Variants in SP110 observed in about 807,000 individuals in gnomAD.
SP110 encodes SP110 nuclear body protein.
Under a neutral mutation model 92.7 loss-of-function variants are expected in SP110, and 62 were observed. That is an observed-to-expected ratio of 0.67 (90% confidence interval 0.55 to 0.83). The LOEUF (loss-of-function observed/expected upper bound fraction) is 0.83, where lower values mean the gene tolerates loss of function less well. Among genes scored for constraint, SP110 ranks in the 40% least tolerant of loss-of-function variants. The probability of loss-of-function intolerance (pLI) is 0.00; values close to 1 mark genes in which losing one functional copy is unlikely to be tolerated. For synonymous variants in SP110, 273 were observed against 305.3 expected (o/e 0.89, Z 1.10); for missense variants, 793 against 863.9 (o/e 0.92, Z 1.03).
At chr2:230,183,489 G>C (rs1336159386) in intron 12 of SP110, 83 bp downstream of exon 12, 1 of 889,338 alleles carries the variant, frequency 1.1e-6, no homozygotes, top group African/African-American at 1.6e-5. Context: ...GGAGAGAGAA[G>C]AAGGAGAGGG....
chr2:230,185,271 C>T (rs2042305281), intron 11 of SP110, among the ~76,000 whole-genome samples: 1 of 152,166 alleles, frequency 6.6e-6, no homozygotes, highest in Non-Finnish European at 1.5e-5. Flanking sequence ...ATTTCTTTCG[C>T]TAAGTTATCA....
At chr2:230,212,654 A>G in intron 4 of SP110, 107 bp downstream of exon 4, 1 of 1,445,468 alleles carries the variant, frequency 6.9e-7, no homozygotes, top group Non-Finnish European at 9.7e-7. Flanking sequence ...GATGGGTGCA[A>G]GAGAAGAACT....
Position 230,177,485 on chromosome 2 carries a change from C to T in SP110, c.1590+53G>A, listed in dbSNP as rs545584080. The T allele has an allele frequency of 7.6e-6, 12 of 1,582,898 alleles. No homozygotes were observed. In the African/African-American group the frequency reaches 1.5e-4, roughly 19 times the overall value. On this transcript the variant is annotated intron_variant, in intron 14 of 18. Coordinates refer to ENST00000258381, the MANE Select transcript of SP110 (RefSeq NM_080424.4). ...TCACATTTCTGCTCTTAAAGCTCCA[C>T]TTCTCCTTCAAGGATTTAAACCTGT...
rs1409769721 is a variant in SP110 at position 230,172,862 on chromosome 2, G to A, written c.1688C>T (p.Pro563Leu). 1.2e-6 allele frequency: 2 copies of A among 1,613,286 alleles called. No homozygotes were observed. Among genetic ancestry groups the A allele is most frequent in the Non-Finnish European group, 1.7e-6 (2 of 1,179,318 alleles). Residue 563 changes from proline (P) to leucine (L), a missense_variant, in exon 15 of 19, where the codon CCC becomes CTC. Transcript: ENST00000258381. The stretch of plus-strand genomic sequence containing the variant: ...CACTCACCTCTTGGCTTCCACAGGG[G>A]GGATGTGACAGTCCTCATGGAAGAC... ...PRVFHEDCHI[P>L]PVEAKRMLWS... is the part of the protein sequence containing the mutation.
chr2:230,177,327 T>A (rs1035373732), intron 14 of SP110: 1 of 624,930 alleles, frequency 1.6e-6, no homozygotes, highest in Admixed American at 2.7e-5. Context: ...AAAGTTCCTG[T>A]ACTCCTTTAC....
At position 230,216,817 on chromosome 2, in the gene SP110, G is replaced by C; in HGVS notation, c.111C>G (p.Leu37=). 6.2e-7 allele frequency: 1 copy of C among 1,614,094 alleles called. No individual in the cohort carries two copies. The highest frequency in any genetic ancestry group is 8.5e-7 in the Non-Finnish European group (1 of 1,179,998). The change falls in exon 2 of 19, where the codon CTC becomes CTG. Residue 37 remains leucine, a synonymous_variant. Coordinates refer to ENST00000258381, the MANE Select transcript of SP110 (RefSeq NM_080424.4). ...IHKPFPFFEG[L]LDNSIITKRM... is the part of the protein sequence containing the mutation. ...TCTTAGTGATGATGGAGTTGTCTAG[G>C]AGGCCTTCAAAGAAGGGAAATGGCT... is the stretch of plus-strand genomic sequence containing the variant.
rs564689094 is a variant in SP110, at chr2:230,211,655, G to C, written c.668-102C>G. The C allele has an allele frequency of 4.2e-5, 33 of 788,408 alleles. No homozygotes were observed. In the African/African-American group the frequency reaches 4.9e-4, roughly 12 times the overall value. 48.8% of individuals were successfully genotyped at this position (788,408 alleles called of 1,614,324 possible). A position where few individuals can be genotyped will look rare whatever the true frequency, so the allele number is the denominator to read the frequency against. ...TATTCCAACAAGTAAAAATGACGGG[G>C]TAACAGCAACCAAGGCCTGGGAAAG... On this transcript the variant is annotated intron_variant, in intron 5 of 18. Transcript: ENST00000258381. The surrounding 1 kb of genome is among the most constrained non-coding windows in gnomAD (Gnocchi z 4.2).
intron 11 of SP110, among the ~76,000 whole-genome samples, chr2:230,185,748 A>C (rs1244832935): frequency 6.6e-6 from 1 of 152,158 alleles, no homozygotes; most frequent in Non-Finnish European, 1.5e-5. Flanking sequence ...AGAAATGAAA[A>C]CAGCAGACAC....
intron 14 of SP110, among the ~76,000 whole-genome samples, chr2:230,174,845 G>C (rs2041779207): frequency 6.6e-6 from 1 of 152,230 alleles, no homozygotes; most frequent in Admixed American, 6.5e-5. Flanking sequence ...TGGATGATGG[G>C]GCTGAGGGCA....
chr2:230,209,975 G>A lies in SP110; in HGVS notation c.785C>T (p.Pro262Leu). 6.2e-7 allele frequency: 1 copy of A among 1,609,240 alleles called. No homozygotes were observed. The highest frequency in any genetic ancestry group is 8.5e-7 in the Non-Finnish European group (1 of 1,175,548). The change falls in exon 7 of 19, where the codon CCA becomes CTA. Residue 262 changes from proline to leucine, a missense_variant. Coordinates refer to ENST00000258381, the MANE Select transcript of SP110 (RefSeq NM_080424.4). ...GCTGGACACCTCCTGGGGCTCTTCT[G>A]GGTCATTTGGTTCTGGAGAATTATC... ...IRDNSPEPND[P>L]EEPQEVSSTP...
intron 11 of SP110, among the ~76,000 whole-genome samples, chr2:230,184,077 C>T (rs887047423): frequency 3.3e-4 from 50 of 152,204 alleles, no homozygotes; most frequent in Non-Finnish European, 6.9e-4. Context: ...CAGCAGGACA[C>T]ACTGGACCAA....
chr2:230,171,836 G>T, intron 16 of SP110, 69 bp from the exon 17 acceptor site: 1 of 1,229,218 alleles, frequency 8.1e-7, no homozygotes, highest in Non-Finnish European at 1.2e-6. Context: ...CGAGTGTCTA[G>T]ACATGCACAC....
intron 16 of SP110, 32 bp downstream of exon 16, chr2:230,172,034 A>T (rs960029715): frequency 7.7e-7 from 1 of 1,303,946 alleles, no homozygotes; most frequent in Admixed American, 1.7e-5. Flanking sequence ...GAGAAGGGAA[A>T]AGTATAGGTT....
Position 230,169,078 on chromosome 2 carries a change from C to G in SP110, c.*46G>C, listed in dbSNP as rs761258911. 7.8e-7 allele frequency: 1 copy of G among 1,275,122 alleles called. No homozygotes were observed. Among genetic ancestry groups the G allele is most frequent in the Admixed American group, 1.7e-5 (1 of 59,590 alleles). 79.0% of individuals were successfully genotyped at this position (1,275,122 alleles called of 1,614,324 possible). Reference sequence around the variant, plus strand: ...TCAACAGTCCAAGCCAGGGTCCCATCAGCTGAATCCTGAGGTGGGGATGCT... The same window carrying G: ...TCAACAGTCCAAGCCAGGGTCCCATGAGCTGAATCCTGAGGTGGGGATGCT... On this transcript the variant is annotated 3_prime_UTR_variant, in exon 19 of 19. Coordinates refer to ENST00000258381, the MANE Select transcript of SP110 (RefSeq NM_080424.4).
At position 230,168,195 on chromosome 2, in the gene SP110, C is replaced by T. The variant is rs996031465; in HGVS notation, c.*929G>A. 12 of 147,234 alleles carry T rather than the reference C, an allele frequency of 8.2e-5. No homozygotes were observed. The Admixed American group carries it at 8.2e-4, about 10-fold the overall frequency. The allele number at this position is 147,234 out of a possible 1,614,324, so 9.1% of individuals were successfully genotyped here. A position where few individuals can be genotyped will look rare whatever the true frequency, so the allele number is the denominator to read the frequency against. Reference sequence around the variant, plus strand: ...AACTGCAATGGTTTGTAGCATGCTACGTATATTTAAATATGTGGGTTCAAG... The same window carrying T: ...AACTGCAATGGTTTGTAGCATGCTATGTATATTTAAATATGTGGGTTCAAG... On this transcript the variant is annotated 3_prime_UTR_variant, in exon 19 of 19. Transcript: ENST00000258381.
intron 12 of SP110, among the ~76,000 whole-genome samples, chr2:230,180,542 AT>A (rs1235977216): frequency 6.6e-6 from 1 of 152,176 alleles, no homozygotes; most frequent in Non-Finnish European, 1.5e-5. Context: ...AGAGAAGGCA[AT>A]GACTGTCCTC....
intron 4 of SP110, 104 bp downstream of exon 4, chr2:230,212,657 G>T: frequency 3.4e-6 from 5 of 1,459,562 alleles, no homozygotes; most frequent in Non-Finnish European, 4.8e-6. Flanking sequence ...GGGTGCAAGA[G>T]AAGAACTAGG....
chr2:230,174,803 C>T (rs374158542), intron 14 of SP110, among the ~76,000 whole-genome samples: 5 of 152,266 alleles, frequency 3.3e-5, no homozygotes, highest in Admixed American at 3.3e-4. Context: ...GCAGTGGAGA[C>T]AGACGGACGT....
chr2:230,183,612 T>C lies in SP110; in HGVS notation c.1308A>G (p.Ser436=), dbSNP rs776205758. 1.2e-6 allele frequency: 2 copies of C among 1,601,758 alleles called. No individual in the cohort carries two copies. Among genetic ancestry groups the C allele is most frequent in the Non-Finnish European group, 1.7e-6 (2 of 1,168,646 alleles). The change falls in exon 12 of 19, where the codon TCA becomes TCG. Residue 436 remains serine (S), a synonymous_variant. Coordinates refer to ENST00000258381, the MANE Select transcript of SP110 (RefSeq NM_080424.4). ...KEKKKEKDIC[S]SSKRRFQKNI... is the part of the protein sequence containing the mutation. ...TTTTCTGAAATCTCCTTTTTGAGCTTGAACAGATATCTTTCTCCTTTTTCT... is the reference window on the plus strand; with the variant it reads ...TTTTCTGAAATCTCCTTTTTGAGCTCGAACAGATATCTTTCTCCTTTTTCT...
Sources: gnomAD v4.1 joint callset for allele counts (sites outside exome capture counted in the v4.1 genomes callset) on GRCh38, gnomAD v4.1.1 for gene constraint, Gnocchi (gnomAD v3.1) non-coding constraint, MANE v1.5 for transcripts, NCBI Gene and HGNC (gene_info 2026-07-23, HGNC 2026-07-21) for gene names.